The following DDX6 variants were observed in gnomAD, a reference collection of about 807,000 sequenced individuals.
DDX6 encodes the protein DEAD-box helicase 6.
A neutral mutation model predicts 60.6 loss-of-function variants in DDX6; 7 were observed. That is an observed-to-expected ratio of 0.12 (90% CI 0.07 to 0.22). The LOEUF (loss-of-function observed/expected upper bound fraction) is 0.22. DDX6 is among the 10% of genes least tolerant of loss of function. The pLI, the probability that DDX6 is intolerant of heterozygous loss-of-function variation, is 1.00. For synonymous variants in DDX6, 207 were observed against 201.0 expected (o/e 1.03, Z -0.25); for missense variants, 270 against 589.9 (o/e 0.46, Z 5.62).
chr11:118,754,274 T>C (rs942641045), intron 13 of DDX6, among the ~76,000 whole-genome samples: 1 of 152,044 alleles, frequency 6.6e-6, no homozygotes, highest in Non-Finnish European at 1.5e-5. Context: ...TACCAAAAAT[T>C]TAAAACATTA....
intron 4 of DDX6, among the ~76,000 whole-genome samples, chr11:118,773,863 C>CAAA (rs199977052): frequency 3.5e-5 from 5 of 144,794 alleles, no homozygotes; most frequent in African/African-American, 1.3e-4. Context: ...AAACACACAC[C>CAAA]AAAAAAAAAA....
intron 13 of DDX6, 110 bp downstream of exon 13, chr11:118,754,595 T>G: frequency 1.1e-6 from 1 of 941,508 alleles, no homozygotes; most frequent in Non-Finnish European, 1.6e-6. Flanking sequence ...AGTGGGTATT[T>G]TACCCTTTAT....
intron 1 of DDX6, chr11:118,788,520 C>A (rs1351550754): frequency 2.6e-5 from 4 of 152,262 alleles, no homozygotes; most frequent in Admixed American, 2.6e-4. Flanking sequence ...GCCTCAGCCT[C>A]CTGAGTAGCT....
chr11:118,756,362 T>C (rs1860976347), intron 10 of DDX6, 39 bp from the exon 11 acceptor site: 3 of 1,476,050 alleles, frequency 2.0e-6, no homozygotes, highest in Admixed American at 3.4e-5. Context: ...TTAACACTCA[T>C]ATACAGCCCC....
At chr11:118,777,270 A>G (rs782149686) in intron 4 of DDX6, among the ~76,000 whole-genome samples, 1 of 152,138 alleles carries the variant, frequency 6.6e-6, no homozygotes, top group African/African-American at 2.4e-5. Flanking sequence ...GTACTCAGTG[A>G]TGTCACAGGG....
At chr11:118,774,926 A>G (rs931895713) in intron 4 of DDX6, among the ~76,000 whole-genome samples, 8 of 152,218 alleles carry the variant, frequency 5.3e-5, no homozygotes, top group African/African-American at 1.9e-4. Context: ...GAGAAGGTAG[A>G]TAAGAATGGA....
intron 3 of DDX6, among the ~76,000 whole-genome samples, chr11:118,780,387 G>A (rs1376044869): frequency 2.6e-5 from 4 of 151,884 alleles, no homozygotes; most frequent in African/African-American, 7.3e-5. Context: ...GCGTGATCTC[G>A]GCTCACTGCA....
chr11:118,756,468 G>A (rs1860980098), intron 10 of DDX6, 145 bp from the exon 11 acceptor site: 4 of 481,546 alleles, frequency 8.3e-6, no homozygotes, highest in Non-Finnish European at 1.5e-5. Context: ...AACCAAATGA[G>A]TTAAGTTCTT....
intron 7 of DDX6, among the ~76,000 whole-genome samples, chr11:118,761,597 A>C (rs1236653212): frequency 6.6e-6 from 1 of 151,342 alleles, no homozygotes; most frequent in African/African-American, 2.4e-5. Flanking sequence ...AAGCGGGGCA[A>C]CGAGACTCTG....
At position 118,754,691 on chromosome 11, in the gene DDX6, T is replaced by C. The variant is rs782808001; in HGVS notation, c.*7+14A>G. The C allele has an allele frequency of 1.3e-6, 2 of 1,579,412 alleles. No homozygotes were observed. The highest frequency in any genetic ancestry group is 1.7e-6 in the Non-Finnish European group (2 of 1,168,904). ...ATTTAAAGGTTCCTCTTAGCTGTTC[T>C]GTCAGGGACGTACATGCTTGTTAAG... On this transcript the variant is annotated intron_variant, in intron 13 of 13. Transcript: ENST00000534980.
intron 7 of DDX6, among the ~76,000 whole-genome samples, chr11:118,762,015 C>T (rs1027859994): frequency 2.0e-5 from 3 of 152,102 alleles, no homozygotes; most frequent in African/African-American, 4.8e-5. Flanking sequence ...TGGCTCATGC[C>T]TGTAATCCCA....
intron 7 of DDX6, among the ~76,000 whole-genome samples, chr11:118,762,940 T>C (rs1427737125): frequency 1.3e-5 from 2 of 152,186 alleles, no homozygotes; most frequent in African/African-American, 4.8e-5. Flanking sequence ...TTAGAATAAA[T>C]TTGGCATTGA....
intron 3 of DDX6, 75 bp from the exon 4 acceptor site, chr11:118,779,811 CT>C (rs1861827654): frequency 8.5e-7 from 1 of 1,175,242 alleles, no homozygotes. Context: ...GTAAATTTAT[CT>C]GTGTTTAAGA....
chr11:118,781,328 CT>C, intron 2 of DDX6, 144 bp from the exon 3 acceptor site: 1 of 584,234 alleles, frequency 1.7e-6, no homozygotes, highest in Non-Finnish European at 3.0e-6. Context: ...AATTAAACAA[CT>C]TTAGAAAAAG....
chr11:118,757,098 T>A, intron 10 of DDX6, 73 bp downstream of exon 10: 1 of 834,988 alleles, frequency 1.2e-6, no homozygotes, highest in Non-Finnish European at 1.8e-6. Flanking sequence ...TCAGGACATT[T>A]AAAAGAACAT....
chr11:118,757,967 A>C (rs1861035290), intron 9 of DDX6, among the ~76,000 whole-genome samples: 1 of 152,176 alleles, frequency 6.6e-6, no homozygotes, highest in Non-Finnish European at 1.5e-5. Flanking sequence ...TGTAGGGGCC[A>C]ATTAAAACTG....
rs782263608 is a variant in DDX6, at chr11:118,757,267, G to T, written c.1014C>A (p.Ile338=). ...CTCGCTGAGAGGAGTTACAGAAAAT[G>T]ATCGACTGGTTTATCTGAAGCTGAG... ...LFSRLQINQS[I]IFCNSSQRVE... The change falls in exon 10 of 14, where the codon ATC becomes ATA. Residue 338 remains isoleucine, a synonymous_variant. Coordinates refer to ENST00000534980, the MANE Select transcript of DDX6 (RefSeq NM_004397.6). 3 of 1,573,138 alleles carry T rather than the reference G, an allele frequency of 1.9e-6. No homozygotes were observed. In the Admixed American group the frequency reaches 5.6e-5, roughly 29 times the overall value.
At chr11:118,769,703 T>C (rs1399313460) in intron 4 of DDX6, among the ~76,000 whole-genome samples, 12 of 142,606 alleles carry the variant, frequency 8.4e-5, no homozygotes, top group Non-Finnish European at 1.8e-4. Context: ...AAAAGGAAAT[T>C]ATGTGGAATT....
intron 4 of DDX6, among the ~76,000 whole-genome samples, chr11:118,769,865 C>A (rs887861977): frequency 6.6e-6 from 1 of 151,932 alleles, no homozygotes. Flanking sequence ...CCACCACACC[C>A]GGCTAATTTT....
Sources: gnomAD v4.1 joint callset for allele counts (sites outside exome capture counted in the v4.1 genomes callset) on GRCh38, gnomAD v4.1.1 for gene constraint, MANE v1.5 for transcripts, NCBI Gene and HGNC (gene_info 2026-07-23, HGNC 2026-07-21) for gene names.